The following FRYL variants were observed in gnomAD, a reference collection of about 807,000 sequenced individuals.
The protein encoded by FRYL is protein furry homolog-like.
A neutral mutation model predicts 351.2 loss-of-function variants in FRYL; 150 were observed. That is an observed-to-expected ratio of 0.43 (90% confidence interval 0.37 to 0.49). FRYL has a LOEUF of 0.49. Ranked by LOEUF, FRYL falls within the 20% of genes least tolerant of loss-of-function variation. The probability of loss-of-function intolerance (pLI) is 0.00; values close to 1 mark genes in which losing one functional copy is unlikely to be tolerated. For synonymous variants in FRYL, 1,153 were observed against 1,257.1 expected (o/e 0.92, Z 1.75); for missense variants, 3,036 against 3,619.3 (o/e 0.84, Z 4.13).
chr4:48,722,113 G>A (rs1317275975), intron 1 of FRYL, among the ~76,000 whole-genome samples: 1 of 152,122 alleles, frequency 6.6e-6, no homozygotes, highest in Non-Finnish European at 1.5e-5. Flanking sequence ...TGTCTTCTAT[G>A]AATTTTTGTT....
intron 7 of FRYL, among the ~76,000 whole-genome samples, chr4:48,613,339 T>C (rs946833840): frequency 6.6e-5 from 10 of 152,186 alleles, no homozygotes; most frequent in African/African-American, 2.2e-4. Context: ...TCAACCTGTA[T>C]ATACAGGGTT....
At chr4:48,656,321 A>ATATATACTAAATATATTATATAT (rs1759013555) in intron 3 of FRYL, among the ~76,000 whole-genome samples, 1 of 127,740 alleles carries the variant, frequency 7.8e-6, no homozygotes, top group Non-Finnish European at 1.6e-5. Context: ...ATATTACATA[A>ATATATACTAAATATATTATATAT]TATATACTAA....
chr4:48,703,658 A>G (rs988825946), intron 2 of FRYL, among the ~76,000 whole-genome samples: 4 of 152,158 alleles, frequency 2.6e-5, no homozygotes, highest in African/African-American at 7.2e-5. Flanking sequence ...CATTTTCTCA[A>G]AGAGGCAACT....
At chr4:48,505,446 T>C (rs1473691732) in intron 60 of FRYL, 101 bp downstream of exon 60, 2 of 748,164 alleles carry the variant, frequency 2.7e-6, no homozygotes, top group African/African-American at 3.6e-5. Context: ...TTACAAATAT[T>C]CTTTATTTTT....
At chr4:48,754,010 A>T (rs1773514858) in intron 1 of FRYL, among the ~76,000 whole-genome samples, 1 of 152,224 alleles carries the variant, frequency 6.6e-6, no homozygotes, top group South Asian at 2.1e-4. Context: ...TAATTAATCT[A>T]TATGTATTGA....
intron 3 of FRYL, among the ~76,000 whole-genome samples, chr4:48,664,780 A>G (rs143361591): frequency 0.023 from 3,436 of 152,312 alleles, 55 homozygotes; most frequent in Non-Finnish European, 0.034. Context: ...GAACTGAGGA[A>G]AAAGAAAGCA....
rs1440410385 is a variant in FRYL, at chr4:48,774,546, AT to A, written c.-384+5531del. ...TTCACACTGAATTTTAATACAAATAATTTTTTTTTTTTTTTTGGAGAAGGAA... is the reference window on the plus strand; with the variant it reads ...TTCACACTGAATTTTAATACAAATAATTTTTTTTTTTTTTTGGAGAAGGAA... On this transcript the variant is annotated intron_variant, in intron 1 of 63. Transcript: ENST00000358350. Among the ~76,000 whole-genome samples the A allele has an allele frequency of 4.6e-3, 662 of 142,892 alleles. 3 individuals are homozygous for A. Among genetic ancestry groups the A allele is most frequent in the East Asian group, 0.029 (143 of 4,976 alleles). 93.7% of individuals were successfully genotyped at this position (142,892 alleles called of 152,430 possible).
intron 2 of FRYL, among the ~76,000 whole-genome samples, chr4:48,700,100 A>C (rs979524065): frequency 2.2e-4 from 33 of 152,274 alleles, no homozygotes; most frequent in African/African-American, 7.2e-4. Context: ...CTACCACCTT[A>C]AGGAATTTGT....
At chr4:48,564,186 A>G in intron 30 of FRYL, 84 bp from the exon 31 acceptor site, 1 of 1,414,296 alleles carries the variant, frequency 7.1e-7, no homozygotes, top group South Asian at 1.3e-5. Flanking sequence ...AAAGTAATAT[A>G]GTGCATATAT....
chr4:48,700,463 G>C (rs955584794), intron 2 of FRYL, among the ~76,000 whole-genome samples: 2 of 152,042 alleles, frequency 1.3e-5, no homozygotes, highest in African/African-American at 2.4e-5. Context: ...GTCAAACCAT[G>C]AGCTACAATG....
intron 13 of FRYL, among the ~76,000 whole-genome samples, chr4:48,599,231 T>C (rs1180632889): frequency 6.6e-6 from 1 of 152,240 alleles, no homozygotes; most frequent in African/African-American, 2.4e-5. Context: ...ACTACTCTTA[T>C]TATTCACCTA....
At chr4:48,752,895 G>T (rs1418947481) in intron 1 of FRYL, among the ~76,000 whole-genome samples, 1 of 152,144 alleles carries the variant, frequency 6.6e-6, no homozygotes, top group Non-Finnish European at 1.5e-5. Context: ...GGGAGCTGCA[G>T]CAGCTACTAG....
Position 48,549,422 on chromosome 4 carries a change from T to C in FRYL, c.4784+51A>G. On this transcript the variant is annotated intron_variant, in intron 39 of 63. Coordinates refer to ENST00000358350, the MANE Select transcript of FRYL (RefSeq NM_015030.2). This position sits in a 1 kb window ranked among gnomAD's most constrained non-coding sequence, Gnocchi z 4.2. ...CAGATAGCACAAAGAAAGCCGACAG[T>C]GTTCAGCAGCAACTTGGTGCATATG... The C allele has an allele frequency of 6.5e-7, 1 of 1,537,174 alleles. No individual in the cohort carries two copies. The highest frequency in any genetic ancestry group is 8.8e-7 in the Non-Finnish European group (1 of 1,134,488).
intron 1 of FRYL, among the ~76,000 whole-genome samples, chr4:48,744,139 G>C (rs934106536): frequency 6.6e-6 from 1 of 151,994 alleles, no homozygotes; most frequent in Non-Finnish European, 1.5e-5. Context: ...GAAATAGTAC[G>C]AATTAGTAGG....
At position 48,669,921 on chromosome 4, in the gene FRYL, A is replaced by ATT. The variant is rs56756869; in HGVS notation, c.-81+14750_-81+14751dup. ...TTTTAAAATAATTTTTTTACTGTCA[A>ATT]TTTTTTTTTTACATTTTTTAAAATC... On this transcript the variant is annotated intron_variant, in intron 3 of 63. Transcript: ENST00000358350. Among the ~76,000 whole-genome samples, 38 of 149,670 alleles carry ATT rather than the reference A, an allele frequency of 2.5e-4. 1 individual carries two copies. The highest frequency in any genetic ancestry group is 7.8e-4 in the African/African-American group (32 of 40,972).
At chr4:48,643,734 G>C (rs1042463282) in intron 3 of FRYL, among the ~76,000 whole-genome samples, 2 of 152,000 alleles carry the variant, frequency 1.3e-5, no homozygotes, top group African/African-American at 4.8e-5. Flanking sequence ...GATTTTAAAA[G>C]ACCTTCTATT....
intron 7 of FRYL, 92 bp from the exon 8 acceptor site, chr4:48,609,915 CTT>C (rs1747710628): frequency 1.2e-5 from 7 of 579,938 alleles, no homozygotes; most frequent in Admixed American, 3.4e-5. Flanking sequence ...AATAATCAAT[CTT>C]AATGTTCATG....
intron 1 of FRYL, among the ~76,000 whole-genome samples, chr4:48,778,521 G>A (rs1579008761): frequency 1.3e-5 from 2 of 152,318 alleles, no homozygotes; most frequent in South Asian, 4.1e-4. Flanking sequence ...ACTTGCACAT[G>A]CAAGTACTCT....
Position 48,685,624 on chromosome 4 carries a change from C to T in FRYL, c.-203-829G>A, listed in dbSNP as rs187127234. ...AAAATAACTCTGAGGGCGTCATGGACCATGAACTACTGTACCATATCTGTA... is the reference window on the plus strand; with the variant it reads ...AAAATAACTCTGAGGGCGTCATGGATCATGAACTACTGTACCATATCTGTA... On this transcript the variant is annotated intron_variant, in intron 2 of 63. Transcript: ENST00000358350. Among the ~76,000 whole-genome samples, 611 of 152,244 alleles carry T rather than the reference C, an allele frequency of 4.0e-3. 1 individual carries two copies. Among genetic ancestry groups the T allele is most frequent in the South Asian group, 5.8e-3 (28 of 4,818 alleles).
Sources: allele counts gnomAD v4.1 joint callset (sites outside exome capture counted in the v4.1 genomes callset), GRCh38; gene constraint gnomAD v4.1.1; non-coding constraint Gnocchi (gnomAD v3.1); transcripts MANE v1.5; gene names NCBI Gene and HGNC (gene_info 2026-07-23, HGNC 2026-07-21).